The following UBE2H variants were observed in gnomAD, a reference collection of about 807,000 sequenced individuals.
The protein encoded by UBE2H is ubiquitin conjugating enzyme E2 H, also known as ubiquitin-conjugating enzyme E2 H.
Under a neutral mutation model 29.0 loss-of-function variants are expected in UBE2H, and 3 were observed. The observed-to-expected ratio is 0.10, with a 90% CI of 0.05 to 0.27. The LOEUF is 0.27. Among genes scored for constraint, UBE2H ranks in the 10% least tolerant of loss-of-function variants. The pLI is 1.00. For synonymous variants in UBE2H, 69 were observed against 82.9 expected (o/e 0.83, Z 0.91); for missense variants, 68 against 228.2 (o/e 0.30, Z 4.52).
At chr7:129,861,707 C>A (rs1404987948) in intron 3 of UBE2H, among the ~76,000 whole-genome samples, 1 of 152,186 alleles carries the variant, frequency 6.6e-6, no homozygotes, top group East Asian at 1.9e-4. Flanking sequence ...GCCTGGCCAA[C>A]ATGGTGAAAC....
intron 1 of UBE2H, among the ~76,000 whole-genome samples, chr7:129,925,626 G>C (rs1260185448): frequency 6.6e-6 from 1 of 152,154 alleles, no homozygotes; most frequent in Non-Finnish European, 1.5e-5. Flanking sequence ...TTCTTGCAAC[G>C]AGACACTTCT....
At chr7:129,909,907 T>C (rs1806896061) in intron 1 of UBE2H, among the ~76,000 whole-genome samples, 1 of 151,790 alleles carries the variant, frequency 6.6e-6, no homozygotes, top group South Asian at 2.1e-4. Context: ...TATAAAGTGG[T>C]CTGAGGGGAA....
intron 1 of UBE2H, among the ~76,000 whole-genome samples, chr7:129,925,636 T>TA (rs1807251524): frequency 6.6e-6 from 1 of 152,174 alleles, no homozygotes; most frequent in Non-Finnish European, 1.5e-5. Flanking sequence ...GAGACACTTC[T>TA]AGCTCAGGAT....
intron 3 of UBE2H, among the ~76,000 whole-genome samples, chr7:129,870,548 C>G (rs1806007709): frequency 6.6e-6 from 1 of 152,174 alleles, no homozygotes; most frequent in African/African-American, 2.4e-5. Flanking sequence ...TGCAGTCCAG[C>G]TTGGATGATT....
At chr7:129,890,333 GTGTATATATA>G (rs1252316794) in intron 1 of UBE2H, among the ~76,000 whole-genome samples, 1 of 151,070 alleles carries the variant, frequency 6.6e-6, no homozygotes, top group Non-Finnish European at 1.5e-5. Context: ...ATATATACGT[GTGTATATATA>G]TGTATGTATA....
chr7:129,851,343 T>A (rs1805606010), intron 5 of UBE2H, among the ~76,000 whole-genome samples: 2 of 152,254 alleles, frequency 1.3e-5, no homozygotes, highest in East Asian at 3.8e-4. Context: ...GGTAATAGGA[T>A]TTGTTATTAA....
At chr7:129,920,000 CT>C (rs1807124342) in intron 1 of UBE2H, among the ~76,000 whole-genome samples, 1 of 152,046 alleles carries the variant, frequency 6.6e-6, no homozygotes, top group Admixed American at 6.6e-5. Flanking sequence ...TATTTTTCAT[CT>C]CTCGCCAAGC....
At chr7:129,947,744 G>A (rs1009764206) in intron 1 of UBE2H, among the ~76,000 whole-genome samples, 5 of 13,358 alleles carry the variant, frequency 3.7e-4, no homozygotes, top group African/African-American at 4.3e-4. Flanking sequence ...TGTCCTTTCC[G>A]ACTAAAAAAG....
chr7:129,907,094 A>G (rs1806833250), intron 1 of UBE2H, among the ~76,000 whole-genome samples: 1 of 152,062 alleles, frequency 6.6e-6, no homozygotes, highest in Non-Finnish European at 1.5e-5. Context: ...GAGCTGCTTA[A>G]AGGTTTATCA....
At chr7:129,886,550 GA>G (rs1806362828) in intron 1 of UBE2H, among the ~76,000 whole-genome samples, 1 of 152,028 alleles carries the variant, frequency 6.6e-6, no homozygotes, top group African/African-American at 2.4e-5. Context: ...TAAATTTACT[GA>G]TAACAAGTTC....
At chr7:129,927,365 C>G (rs1807291204) in intron 1 of UBE2H, among the ~76,000 whole-genome samples, 1 of 152,090 alleles carries the variant, frequency 6.6e-6, no homozygotes, top group African/African-American at 2.4e-5. Flanking sequence ...GATCGTGAAA[C>G]CCCGTCTCTA....
At chr7:129,883,538 A>G (rs546731395) in intron 1 of UBE2H, among the ~76,000 whole-genome samples, 28 of 152,364 alleles carry the variant, frequency 1.8e-4, no homozygotes, top group South Asian at 1.7e-3. Flanking sequence ...AGAAAATTAC[A>G]AAGCATTAAA....
intron 1 of UBE2H, among the ~76,000 whole-genome samples, chr7:129,899,567 C>T (rs1806667905): frequency 6.6e-6 from 1 of 152,148 alleles, no homozygotes; most frequent in Non-Finnish European, 1.5e-5. Context: ...TCCTTCTTGC[C>T]TCTTTAACAC....
At chr7:129,920,755 A>G (rs951985979) in intron 1 of UBE2H, among the ~76,000 whole-genome samples, 2 of 146,004 alleles carry the variant, frequency 1.4e-5, no homozygotes, top group Admixed American at 7.0e-5. Flanking sequence ...TGGGAAATGG[A>G]TGCTGTTCAT....
At chr7:129,919,414 C>T (rs1166954535) in intron 1 of UBE2H, among the ~76,000 whole-genome samples, 1 of 152,084 alleles carries the variant, frequency 6.6e-6, no homozygotes, top group East Asian at 1.9e-4. Context: ...CAGCATACAA[C>T]TCCACCTGCC....
chr7:129,935,198 G>A (rs1469612890), intron 1 of UBE2H, among the ~76,000 whole-genome samples: 1 of 151,790 alleles, frequency 6.6e-6, no homozygotes, highest in South Asian at 2.1e-4. Flanking sequence ...GCTGAGGTGG[G>A]CAGATCACGA....
intron 1 of UBE2H, among the ~76,000 whole-genome samples, chr7:129,929,967 A>G (rs1807353898): frequency 6.6e-6 from 1 of 152,086 alleles, no homozygotes; most frequent in Non-Finnish European, 1.5e-5. Flanking sequence ...CCAAGATCGC[A>G]CTGCTGCACT....
chr7:129,931,836 C>CTTTTTTTT (rs372552075), intron 1 of UBE2H, among the ~76,000 whole-genome samples: 3 of 131,310 alleles, frequency 2.3e-5, no homozygotes, highest in Non-Finnish European at 1.6e-5. Context: ...TTCTACTTTG[C>CTTTTTTTT]TTTTTTTTTT....
At chr7:129,919,882 G>T (rs767393806) in intron 1 of UBE2H, among the ~76,000 whole-genome samples, 4 of 152,168 alleles carry the variant, frequency 2.6e-5, no homozygotes, top group Non-Finnish European at 4.4e-5. Flanking sequence ...CATCAGATAG[G>T]CAAAATGTTA....
Sources: gnomAD v4.1 joint callset for allele counts (sites outside exome capture counted in the v4.1 genomes callset) on GRCh38, gnomAD v4.1.1 for gene constraint, MANE v1.5 for transcripts, NCBI Gene and HGNC (gene_info 2026-07-23, HGNC 2026-07-21) for gene names.